The following KANSL1L variants were observed in gnomAD, a reference collection of about 807,000 sequenced individuals.
The protein encoded by KANSL1L is KAT8 regulatory NSL complex subunit 1-like protein.
KANSL1L carries 25 observed loss-of-function variants against 108.6 expected under a neutral mutation model. That is an observed-to-expected ratio of 0.23 (90% CI 0.17 to 0.32). KANSL1L has a LOEUF of 0.32. Ranked by LOEUF, KANSL1L falls within the 10% of genes least tolerant of loss-of-function variation. The probability of loss-of-function intolerance (pLI) is 1.00; values close to 1 mark genes in which losing one functional copy is unlikely to be tolerated. For missense variants in KANSL1L, 1,137 were observed against 1,125.7 expected (o/e 1.01, Z -0.14); for synonymous variants, 405 against 395.1 (o/e 1.03, Z -0.30).
At chr2:210,068,164 C>T (rs1341904707) in intron 6 of KANSL1L, among the ~76,000 whole-genome samples, 1 of 152,202 alleles carries the variant, frequency 6.6e-6, no homozygotes, top group African/African-American at 2.4e-5. Context: ...GCGTGAGCCA[C>T]CGCGCCCGGC....
At chr2:210,053,932 ATAGT>A (rs1188403139) in intron 6 of KANSL1L, among the ~76,000 whole-genome samples, 8 of 152,304 alleles carry the variant, frequency 5.3e-5, no homozygotes, top group Non-Finnish European at 1.0e-4. Flanking sequence ...GGCAAAGGAT[ATAGT>A]TAGTCAGTTT....
At chr2:210,161,084 G>A (rs904244761) in intron 1 of KANSL1L, among the ~76,000 whole-genome samples, 3 of 151,494 alleles carry the variant, frequency 2.0e-5, no homozygotes, top group Non-Finnish European at 4.4e-5. Flanking sequence ...CGCCTCCCAG[G>A]TTGAAGTGAT....
At chr2:210,165,294 G>T (rs1687874789) in intron 1 of KANSL1L, among the ~76,000 whole-genome samples, 1 of 151,958 alleles carries the variant, frequency 6.6e-6, no homozygotes, top group Non-Finnish European at 1.5e-5. Flanking sequence ...GTTACAGATA[G>T]TCTATCAAGT....
At chr2:210,147,706 AAAAC>A (rs2095275134) in intron 2 of KANSL1L, among the ~76,000 whole-genome samples, 1 of 152,210 alleles carries the variant, frequency 6.6e-6, no homozygotes, top group African/African-American at 2.4e-5. Flanking sequence ...AACAAATAGA[AAAAC>A]AACCTGCAAA....
At chr2:210,168,407 G>A (rs1250167686) in intron 1 of KANSL1L, among the ~76,000 whole-genome samples, 1 of 152,070 alleles carries the variant, frequency 6.6e-6, no homozygotes, top group Admixed American at 6.5e-5. Context: ...TAAGATTTAT[G>A]TGGTAGATTA....
In KANSL1L at chr2:210,029,892, C is replaced by A; in HGVS notation, c.2182G>T (p.Asp728Tyr). 6.2e-7 allele frequency: 1 copy of A among 1,601,366 alleles called. No homozygotes were observed. The highest frequency in any genetic ancestry group is 8.5e-7 in the Non-Finnish European group (1 of 1,170,466). The stretch of plus-strand genomic sequence containing the variant: ...GATCCTGATTCTGTGTGTTGAAAAT[C>A]AGATTCTTCAAGTTTAGTTCTTTCT... ...LGERTKLEESDFQHTESGSHS... is the reference protein window; with the variant it reads ...LGERTKLEESYFQHTESGSHS... The change falls in exon 10 of 15, where the codon GAT (aspartate) becomes TAT (tyrosine). Residue 728 changes from aspartate to tyrosine, a missense_variant. Coordinates refer to ENST00000281772, the MANE Select transcript of KANSL1L (RefSeq NM_152519.4).
At chr2:210,025,362 C>T in intron 12 of KANSL1L, 146 bp from the exon 13 acceptor site, 1 of 505,568 alleles carries the variant, frequency 2.0e-6, no homozygotes, top group South Asian at 2.0e-5. Flanking sequence ...CAAGACCAGC[C>T]TGGCCAAGAT....
At chr2:210,106,234 A>T (rs762897994) in intron 3 of KANSL1L, among the ~76,000 whole-genome samples, 2 of 152,154 alleles carry the variant, frequency 1.3e-5, no homozygotes, top group Non-Finnish European at 2.9e-5. Flanking sequence ...CCACCTTATC[A>T]ATTTAACTGC....
At chr2:210,059,865 C>A (rs1372607322) in intron 6 of KANSL1L, among the ~76,000 whole-genome samples, 1 of 152,020 alleles carries the variant, frequency 6.6e-6, no homozygotes, top group East Asian at 1.9e-4. Flanking sequence ...CCTCAGCCTC[C>A]CAAATAGCTG....
chr2:210,138,737 T>TTTAACATTTA (rs2095198930), intron 2 of KANSL1L, among the ~76,000 whole-genome samples: 1 of 152,190 alleles, frequency 6.6e-6, no homozygotes, highest in East Asian at 1.9e-4. Flanking sequence ...TCATCTCATA[T>TTTAACATTTA]ACTTTTTCTA....
At chr2:210,065,339 G>A (rs2125292552) in intron 6 of KANSL1L, among the ~76,000 whole-genome samples, 1 of 133,284 alleles carries the variant, frequency 7.5e-6, no homozygotes, top group South Asian at 2.5e-4. Flanking sequence ...TTTTCAAGCA[G>A]AAGTTAGAGA....
intron 2 of KANSL1L, among the ~76,000 whole-genome samples, chr2:210,129,572 G>C (rs1390497682): frequency 6.6e-6 from 1 of 152,064 alleles, no homozygotes; most frequent in Non-Finnish European, 1.5e-5. Flanking sequence ...CATTTGAATG[G>C]TGCTAAATCT....
At chr2:210,169,310 G>GA (rs1447947647) in intron 1 of KANSL1L, among the ~76,000 whole-genome samples, 1 of 152,064 alleles carries the variant, frequency 6.6e-6, no homozygotes, top group African/African-American at 2.4e-5. Flanking sequence ...CGTGCCAACA[G>GA]AAAAAATTTA....
intron 8 of KANSL1L, 97 bp from the exon 9 acceptor site, chr2:210,031,643 T>C: frequency 1.4e-6 from 1 of 716,882 alleles, no homozygotes; most frequent in Non-Finnish European, 2.2e-6. Context: ...AATTTTAAGA[T>C]ACCAGTTCAA....
Position 210,171,351 on chromosome 2 carries a change from A to G in KANSL1L, c.-232T>C. 1 of 173,790 alleles carries G rather than the reference A, an allele frequency of 5.8e-6. No individual in the cohort carries two copies. Among genetic ancestry groups the G allele is most frequent in the Non-Finnish European group, 1.2e-5 (1 of 86,790 alleles). The allele number at this position is 173,790 out of a possible 1,614,324, so 10.8% of individuals were successfully genotyped here. On this transcript the variant is annotated 5_prime_UTR_variant, in exon 1 of 15. Coordinates refer to ENST00000281772, the MANE Select transcript of KANSL1L (RefSeq NM_152519.4). ...GCCGCCGCCGCCGCCGCGGTTTAACAGTCCGCCCGCTGCCCGCAGCTCCGT... is the reference window on the plus strand; with the variant it reads ...GCCGCCGCCGCCGCCGCGGTTTAACGGTCCGCCCGCTGCCCGCAGCTCCGT...
At chr2:210,055,700 G>C (rs562142216) in intron 6 of KANSL1L, among the ~76,000 whole-genome samples, 29 of 152,286 alleles carry the variant, frequency 1.9e-4, no homozygotes, top group Admixed American at 8.5e-4. Context: ...AAAGAGACTG[G>C]CAACATTTTA....
chr2:210,033,685 A>G (rs921174493), intron 8 of KANSL1L, among the ~76,000 whole-genome samples: 2 of 133,658 alleles, frequency 1.5e-5, no homozygotes, highest in Non-Finnish European at 3.1e-5. Context: ...GGCTGCCACC[A>G]CGCCCGGCTA....
intron 12 of KANSL1L, among the ~76,000 whole-genome samples, chr2:210,025,429 G>A (rs947377131): frequency 1.3e-5 from 2 of 152,100 alleles, no homozygotes; most frequent in Admixed American, 6.6e-5. Context: ...GGTGGCAGGC[G>A]CCTGTAATCA....
chr2:210,104,078 C>G, intron 4 of KANSL1L, 26 bp downstream of exon 4: 1 of 1,544,872 alleles, frequency 6.5e-7, no homozygotes, highest in East Asian at 2.3e-5. Context: ...CATTTCATAC[C>G]ACTGATATCC....
Sources: gnomAD v4.1 joint callset for allele counts (sites outside exome capture counted in the v4.1 genomes callset) on GRCh38, gnomAD v4.1.1 for gene constraint, MANE v1.5 for transcripts, NCBI Gene and HGNC (gene_info 2026-07-23, HGNC 2026-07-21) for gene names.